The following LARP4B variants were observed in gnomAD, a reference collection of about 807,000 sequenced individuals.
The protein encoded by LARP4B is La ribonucleoprotein 4B.
A neutral mutation model predicts 89.8 loss-of-function variants in LARP4B; 12 were observed. The ratio of observed to expected loss-of-function variants is 0.13; its 90% CI spans 0.09 to 0.22. The LOEUF (loss-of-function observed/expected upper bound fraction) is 0.22. LARP4B is among the 10% of genes least tolerant of loss of function. The pLI, the probability that LARP4B is intolerant of heterozygous loss-of-function variation, is 1.00. For synonymous variants in LARP4B, 367 were observed against 363.3 expected (o/e 1.01, Z -0.12); for missense variants, 757 against 947.7 (o/e 0.80, Z 2.64).
intron 5 of LARP4B, 61 bp from the exon 6 acceptor site, chr10:845,116 C>G: frequency 8.4e-7 from 1 of 1,194,780 alleles, no homozygotes; most frequent in Non-Finnish European, 1.2e-6. Flanking sequence ...GCAGATAATT[C>G]AGTACAGCAG....
At chr10:835,218 C>A (rs1421150864) in intron 8 of LARP4B, among the ~76,000 whole-genome samples, 1 of 152,150 alleles carries the variant, frequency 6.6e-6, no homozygotes, top group South Asian at 2.1e-4. Flanking sequence ...GACCATACTT[C>A]TATGAGAGTA....
At chr10:839,788 T>C (rs530918946) in intron 7 of LARP4B, among the ~76,000 whole-genome samples, 2 of 152,306 alleles carry the variant, frequency 1.3e-5, no homozygotes, top group African/African-American at 4.8e-5. Context: ...GACATTCCAC[T>C]TGTGGCTATT....
chr10:986,603 C>T, the LARP4B span: 1 of 152,156 alleles, frequency 6.6e-6, no homozygotes, highest in African/African-American at 2.4e-5. Flanking sequence ...AGCTCTGGGC[C>T]CATGATGAGT....
intron 15 of LARP4B, among the ~76,000 whole-genome samples, chr10:816,725 A>C (rs947894284): frequency 1.3e-5 from 2 of 152,222 alleles, no homozygotes; most frequent in Non-Finnish European, 2.9e-5. Context: ...CTAATGTGAC[A>C]ATCCTGGAAT....
At chr10:848,968 A>G (rs1036577983) in intron 5 of LARP4B, among the ~76,000 whole-genome samples, 2 of 152,228 alleles carry the variant, frequency 1.3e-5, no homozygotes, top group African/African-American at 4.8e-5. Context: ...AGTTTATAGC[A>G]TAAGTAACTG....
the LARP4B span, among the ~76,000 whole-genome samples, chr10:960,585 G>A: frequency 6.6e-6 from 1 of 151,754 alleles, no homozygotes; most frequent in Non-Finnish European, 1.5e-5. Flanking sequence ...TAGCACACCT[G>A]TAATCTCAGC....
At chr10:920,271 A>G (rs1037511949) in intron 1 of LARP4B, among the ~76,000 whole-genome samples, 4 of 152,194 alleles carry the variant, frequency 2.6e-5, no homozygotes, top group Non-Finnish European at 5.9e-5. Context: ...AATTAATTTT[A>G]CCTCATGGGC....
intron 5 of LARP4B, among the ~76,000 whole-genome samples, chr10:849,303 G>C (rs2131767011): frequency 6.6e-6 from 1 of 152,286 alleles, no homozygotes; most frequent in Non-Finnish European, 1.5e-5. Flanking sequence ...TGATTCTAAG[G>C]CTGAAGCAAG....
At chr10:955,881 C>G in the LARP4B span, among the ~76,000 whole-genome samples, 1 of 152,144 alleles carries the variant, frequency 6.6e-6, no homozygotes, top group African/African-American at 2.4e-5. This position sits in a 1 kb window ranked among gnomAD's most constrained non-coding sequence, Gnocchi z 5.2. Context: ...CCTTGAGTTC[C>G]TCCTCTCACT....
At chr10:888,585 C>A (rs1835930927) in intron 1 of LARP4B, among the ~76,000 whole-genome samples, 1 of 152,134 alleles carries the variant, frequency 6.6e-6, no homozygotes, top group Admixed American at 6.5e-5. Context: ...ACAAAAATAT[C>A]ACCAAACTTC....
At chr10:847,532 T>C (rs1833834907) in intron 5 of LARP4B, among the ~76,000 whole-genome samples, 1 of 151,952 alleles carries the variant, frequency 6.6e-6, no homozygotes, top group Non-Finnish European at 1.5e-5. Context: ...TTCTTTTTTT[T>C]TTTTGAGACG....
Position 869,944 on chromosome 10 carries a change from AATAAT to A in LARP4B, c.142-5679_142-5675del, listed in dbSNP as rs1564420606. 899 of 185,240 alleles carry A rather than the reference AATAAT, an allele frequency of 4.9e-3. 6 individuals carry two copies. Among genetic ancestry groups the A allele is most frequent in the Non-Finnish European group, 7.4e-3 (769 of 104,262 alleles). The allele number at this position is 185,240 out of a possible 1,614,324, so 11.5% of individuals were successfully genotyped here. A position where few individuals can be genotyped will look rare whatever the true frequency, so the allele number is the denominator to read the frequency against. ...TAATAATAATAATAATAATAATAAT[AATAAT>A]AAATTAAAATGTATAGCCCAGCATA... On this transcript the variant is annotated intron_variant, in intron 3 of 17. Transcript: ENST00000316157.
chr10:965,526 C>T, the LARP4B span, among the ~76,000 whole-genome samples: 242 of 152,070 alleles, frequency 1.6e-3, 2 homozygotes, highest in East Asian at 0.028. Context: ...GCAGCAGACG[C>T]GATGGAAGAA....
intron 13 of LARP4B, among the ~76,000 whole-genome samples, chr10:823,645 T>C (rs890220706): frequency 6.6e-6 from 1 of 151,642 alleles, no homozygotes; most frequent in Non-Finnish European, 1.5e-5. Flanking sequence ...CCACAATTGA[T>C]GCCCCTCAGA....
At chr10:828,949 A>G (rs1045072311) in intron 11 of LARP4B, among the ~76,000 whole-genome samples, 7 of 152,200 alleles carry the variant, frequency 4.6e-5, no homozygotes, top group Non-Finnish European at 1.0e-4. Context: ...ATCCATAAAA[A>G]TTAATCCTGT....
At chr10:959,853 G>A in the LARP4B span, among the ~76,000 whole-genome samples, 6 of 90,056 alleles carry the variant, frequency 6.7e-5, no homozygotes, top group Admixed American at 2.6e-4. Flanking sequence ...CCACCTCCTC[G>A]TCAATCCACC....
At chr10:856,112 T>C (rs1183617848) in intron 5 of LARP4B, among the ~76,000 whole-genome samples, 2 of 152,136 alleles carry the variant, frequency 1.3e-5, no homozygotes, top group African/African-American at 4.8e-5. Flanking sequence ...ATTAAACTTA[T>C]AGGAGGAATA....
At chr10:943,791 G>T in the LARP4B span, among the ~76,000 whole-genome samples, 16 of 152,006 alleles carry the variant, frequency 1.1e-4, no homozygotes, top group Non-Finnish European at 1.5e-5. Context: ...GGGAGGGCCC[G>T]GGGAGTGCAG....
In LARP4B at chr10:908,149, G is replaced by T. The variant is rs140281738; in HGVS notation, c.-39-22389C>A. The stretch of plus-strand genomic sequence containing the variant: ...TTGAACACGTGAGGTGGAGGTTGCA[G>T]TGAGCCTGAGCCAAGATCATGCCAC... On this transcript the variant is annotated intron_variant, in intron 1 of 17. Transcript: ENST00000316157. 8.4e-3 allele frequency among the ~76,000 whole-genome samples: 1,274 copies of T among 152,284 alleles called. 19 individuals are homozygous for T. Among genetic ancestry groups the T allele is most frequent in the African/African-American group, 0.028 (1,164 of 41,536 alleles).
Sources: allele counts gnomAD v4.1 joint callset (sites outside exome capture counted in the v4.1 genomes callset), GRCh38; gene constraint gnomAD v4.1.1; non-coding constraint Gnocchi (gnomAD v3.1); transcripts MANE v1.5; gene names NCBI Gene and HGNC (gene_info 2026-07-23, HGNC 2026-07-21).